NKAIN3: variants seen among roughly 807,000 people sequenced by gnomAD.
NKAIN3 encodes sodium/potassium transporting ATPase interacting 3, also known as sodium/potassium-transporting ATPase subunit beta-1-interacting protein 3.
NKAIN3 carries 25 observed loss-of-function variants against 30.2 expected under a neutral mutation model. The observed-to-expected ratio is 0.83, with a 90% CI of 0.60 to 1.16. NKAIN3 has a LOEUF of 1.16. Ranked by LOEUF, NKAIN3 falls within the 50% of genes most tolerant of loss-of-function variation. The pLI, the probability that NKAIN3 is intolerant of heterozygous loss-of-function variation, is 0.00. For missense variants in NKAIN3, 225 were observed against 254.1 expected (o/e 0.89, Z 0.78); for synonymous variants, 91 against 89.6 (o/e 1.02, Z -0.09).
At chr8:62,277,170 G>C (rs1482223932) in intron 1 of NKAIN3, among the ~76,000 whole-genome samples, 1 of 152,234 alleles carries the variant, frequency 6.6e-6, no homozygotes, top group African/African-American at 2.4e-5. Flanking sequence ...TGTTATTACA[G>C]AACAAGCATA....
intron 3 of NKAIN3, among the ~76,000 whole-genome samples, chr8:62,677,013 C>T (rs1007919743): frequency 8.5e-5 from 13 of 152,178 alleles, no homozygotes; most frequent in East Asian, 3.9e-4. Context: ...GCCACTGCAC[C>T]GGCCCAATAT....
At chr8:62,804,686 C>G (rs1818207158) in intron 4 of NKAIN3, among the ~76,000 whole-genome samples, 1 of 152,102 alleles carries the variant, frequency 6.6e-6, no homozygotes, top group Non-Finnish European at 1.5e-5. Flanking sequence ...AAACCCACAG[C>G]CAATATCATA....
intron 1 of NKAIN3, among the ~76,000 whole-genome samples, chr8:62,350,629 T>C (rs1011978305): frequency 6.6e-6 from 1 of 152,206 alleles, no homozygotes; most frequent in African/African-American, 2.4e-5. Context: ...TTATGTTATG[T>C]ATATTTTAAT....
chr8:62,539,140 C>G (rs1472569621), intron 1 of NKAIN3, among the ~76,000 whole-genome samples: 1 of 152,208 alleles, frequency 6.6e-6, no homozygotes, highest in Non-Finnish European at 1.5e-5. Context: ...ACGTGTTTAT[C>G]ATTCTCACAT....
At chr8:62,667,147 G>T (rs1055008402) in intron 3 of NKAIN3, among the ~76,000 whole-genome samples, 11 of 114,602 alleles carry the variant, frequency 9.6e-5, no homozygotes, top group Non-Finnish European at 1.5e-4. Flanking sequence ...CGGACCTGTT[G>T]TGGGGTGGGG....
At position 62,746,999 on chromosome 8, in the gene NKAIN3, G is replaced by C; in HGVS notation, c.341G>C (p.Cys114Ser). ...RSWWREHGPG[C>S]VRRVLPPSAH... is the part of the protein sequence containing the mutation. ...TGGTGGAGAGAACATGGGCCTGGTT[G>C]TGTCAGAAGAGTGCTGCCTCCCTCA... The change falls in exon 4 of 7, where the codon TGT becomes TCT. Residue 114 changes from cysteine to serine, a missense_variant. By Grantham distance (112) the Cys-to-Ser change is moderately radical. Coordinates refer to ENST00000623646, the MANE Select transcript of NKAIN3 (RefSeq NM_001304533.3). 1 of 1,613,872 alleles carries C rather than the reference G, an allele frequency of 6.2e-7. No homozygotes were observed. Among genetic ancestry groups the C allele is most frequent in the Non-Finnish European group, 8.5e-7 (1 of 1,179,782 alleles).
intron 1 of NKAIN3, among the ~76,000 whole-genome samples, chr8:62,250,762 C>T (rs1354925958): frequency 1.3e-5 from 2 of 152,318 alleles, no homozygotes; most frequent in Admixed American, 1.3e-4. Context: ...CATGCCCCTT[C>T]TTTCCACTTT....
At chr8:62,314,660 G>C (rs1235192446) in intron 1 of NKAIN3, among the ~76,000 whole-genome samples, 1 of 152,168 alleles carries the variant, frequency 6.6e-6, no homozygotes, top group African/African-American at 2.4e-5. Flanking sequence ...CGCTTGTCAA[G>C]CTAGGTTCTG....
chr8:62,708,469 T>G (rs1814607635), intron 3 of NKAIN3, among the ~76,000 whole-genome samples: 1 of 152,172 alleles, frequency 6.6e-6, no homozygotes, highest in Non-Finnish European at 1.5e-5. Context: ...CCTAATTATT[T>G]TATTTTTTGC....
At chr8:62,648,144 G>A (rs1812520127) in intron 3 of NKAIN3, among the ~76,000 whole-genome samples, 1 of 152,154 alleles carries the variant, frequency 6.6e-6, no homozygotes, top group African/African-American at 2.4e-5. Flanking sequence ...AGATGGATAC[G>A]TTTTGGGCAA....
At chr8:62,445,839 G>A (rs1321898129) in intron 1 of NKAIN3, among the ~76,000 whole-genome samples, 1 of 151,972 alleles carries the variant, frequency 6.6e-6, no homozygotes. Flanking sequence ...ATTTCTTCTG[G>A]GTCTAATGGT....
chr8:62,303,920 A>G (rs1814136698), intron 1 of NKAIN3, among the ~76,000 whole-genome samples: 1 of 150,666 alleles, frequency 6.6e-6, no homozygotes. Flanking sequence ...GAAGTATTTG[A>G]TAATCTTCTA....
At chr8:62,581,075 C>T (rs904180924) in intron 2 of NKAIN3, among the ~76,000 whole-genome samples, 1 of 144,440 alleles carries the variant, frequency 6.9e-6, no homozygotes, top group Admixed American at 6.9e-5. Flanking sequence ...TCCACTCCAG[C>T]CTAGGCAACA....
intron 4 of NKAIN3, chr8:62,856,473 T>C: frequency 1.3e-6 from 1 of 785,716 alleles, no homozygotes; most frequent in Non-Finnish European, 2.3e-6. Flanking sequence ...AGCCCCCAGG[T>C]TTCTTCAGGT....
At chr8:62,761,224 G>A (rs1816652134) in intron 4 of NKAIN3, among the ~76,000 whole-genome samples, 1 of 152,144 alleles carries the variant, frequency 6.6e-6, no homozygotes, top group Non-Finnish European at 1.5e-5. Flanking sequence ...CAAAAGTCAG[G>A]TGGAGGAAGG....
chr8:62,765,251 A>AAAG (rs947568802), intron 4 of NKAIN3, among the ~76,000 whole-genome samples: 2 of 143,882 alleles, frequency 1.4e-5, no homozygotes, highest in African/African-American at 5.0e-5. Context: ...CATCTCAAAA[A>AAAG]AAAAAAAAAA....
downstream of NKAIN3, among the ~76,000 whole-genome samples, chr8:62,989,194 G>T (rs558025468): frequency 1.0e-3 from 155 of 152,268 alleles, no homozygotes; most frequent in African/African-American, 3.5e-3. Context: ...CTTCCAAACT[G>T]TTCCACCTGT....
At chr8:62,771,240 C>T (rs923211403) in intron 4 of NKAIN3, among the ~76,000 whole-genome samples, 1 of 151,708 alleles carries the variant, frequency 6.6e-6, no homozygotes, top group East Asian at 1.9e-4. Context: ...CCAAACAGGG[C>T]AAGATAGCAA....
At chr8:62,791,698 G>T (rs1817705098) in intron 4 of NKAIN3, among the ~76,000 whole-genome samples, 1 of 152,038 alleles carries the variant, frequency 6.6e-6, no homozygotes, top group Admixed American at 6.6e-5. Context: ...GTGAGAATTA[G>T]CTTATTTTAA....
Sources: gnomAD v4.1 joint callset for allele counts (sites outside exome capture counted in the v4.1 genomes callset) on GRCh38, gnomAD v4.1.1 for gene constraint, MANE v1.5 for transcripts, NCBI Gene and HGNC (gene_info 2026-07-23, HGNC 2026-07-21) for gene names.